Variants in HGS observed in about 807,000 individuals in gnomAD.
HGS encodes hepatocyte growth factor-regulated tyrosine kinase substrate.
In HGS, 63 loss-of-function variants were observed where a neutral mutation model predicts 109.7. The ratio of observed to expected loss-of-function variants is 0.57; its 90% CI spans 0.47 to 0.71. The LOEUF is 0.71. Ranked by LOEUF, HGS falls within the 30% of genes least tolerant of loss-of-function variation. HGS has a pLI of 0.00. For missense variants in HGS, 995 were observed against 1,068.3 expected (o/e 0.93, Z 0.96); for synonymous variants, 546 against 437.3 (o/e 1.25, Z -3.10).
In HGS at chr17:81,686,991, G is replaced by A; in HGVS notation, c.199-12G>A. The A allele has an allele frequency of 6.2e-7, 1 of 1,610,222 alleles. No homozygotes were observed. The highest frequency in any genetic ancestry group is 8.5e-7 in the Non-Finnish European group (1 of 1,178,002). On this transcript the variant is annotated splice_polypyrimidine_tract_variant and intron_variant, in intron 3 of 21. Transcript: ENST00000329138. ...CCACTGGCCCAACCCTTCCCTTCCT[G>A]GGCATCTGCAGGTCATGGAATCTGT...
intron 8 of HGS, 32 bp from the exon 9 acceptor site, chr17:81,693,471 A>G (rs1433133179): frequency 2.6e-6 from 4 of 1,567,540 alleles, no homozygotes; most frequent in Admixed American, 1.7e-5. Context: ...GTGTCAGCGC[A>G]TGGTGACCTG....
chr17:81,695,836 G>C lies in HGS; in HGVS notation c.1230G>C (p.Lys410Asn), dbSNP rs748441514. The C allele has an allele frequency of 1.2e-6, 2 of 1,613,456 alleles. No individual in the cohort carries two copies. The highest frequency in any genetic ancestry group is 1.7e-6 in the Non-Finnish European group (2 of 1,180,022). Residue 410 changes from lysine to asparagine, a missense_variant, in exon 15 of 22, where the codon AAG (lysine) becomes AAC (asparagine). Physicochemically the swap from Lys to Asn is moderately conservative, Grantham distance 94 (BLOSUM62 0). Transcript: ENST00000329138. ...ESEESHEQFL[K>N]ALQNAVTTFV... is the part of the protein sequence containing the mutation. ...AGGAGAGCCACGAGCAGTTCCTGAA[G>C]GCGCTGCAGAACGCCGTCACCACCT...
At chr17:81,694,497 G>T (rs539838554) in intron 11 of HGS, among the ~76,000 whole-genome samples, 1 of 152,298 alleles carries the variant, frequency 6.6e-6, no homozygotes, top group Non-Finnish European at 1.5e-5. Flanking sequence ...CTGTCGGCTG[G>T]GGCCCCACAC....
chr17:81,685,508 G>A, intron 1 of HGS, 97 bp from the exon 2 acceptor site: 1 of 728,216 alleles, frequency 1.4e-6, no homozygotes, highest in Non-Finnish European at 2.3e-6. Context: ...TGTCTAAAGG[G>A]GAAGGAGAGA....
chr17:81,688,771 G>A lies in HGS; in HGVS notation c.359G>A (p.Arg120Gln). Reference sequence around the variant, plus strand: ...ATCCAGGCCTGGGCGCATGCCTTCCGGAACGAGCCCAAGTACAAGGTGGTC... The same window carrying A: ...ATCCAGGCCTGGGCGCATGCCTTCCAGAACGAGCCCAAGTACAAGGTGGTC... ...YLIQAWAHAF[R>Q]NEPKYKVVQD... Residue 120 changes from arginine to glutamine, a missense_variant, in exon 5 of 22, where the codon CGG becomes CAG. Coordinates refer to ENST00000329138, the MANE Select transcript of HGS (RefSeq NM_004712.5). The A allele has an allele frequency of 1.2e-6, 2 of 1,614,128 alleles. No homozygotes were observed. Among genetic ancestry groups the A allele is most frequent in the Non-Finnish European group, 1.7e-6 (2 of 1,180,004 alleles).
At position 81,693,490 on chromosome 17, in the gene HGS, C is replaced by G; in HGVS notation, c.663-13C>G. 2.5e-6 allele frequency: 4 copies of G among 1,609,418 alleles called. No homozygotes were observed. The highest frequency in any genetic ancestry group is 3.4e-6 in the Non-Finnish European group (4 of 1,176,768). ...CAGCGCATGGTGACCTGCAGCATTC[C>G]TTGTGCCCACAGGAAAGCGGAGGGA... On this transcript the variant is annotated splice_polypyrimidine_tract_variant and intron_variant, in intron 8 of 21. Transcript: ENST00000329138.
At chr17:81,690,399 C>A (rs2037045415) in intron 6 of HGS, 165 bp downstream of exon 6, 1 of 759,620 alleles carries the variant, frequency 1.3e-6, no homozygotes, top group Non-Finnish European at 2.2e-6. Flanking sequence ...GCTGTCTCTG[C>A]AGGGCGAGGT....
chr17:81,688,291 C>A (rs2144487265), intron 4 of HGS, among the ~76,000 whole-genome samples: 1 of 152,312 alleles, frequency 6.6e-6, no homozygotes, highest in African/African-American at 2.4e-5. Flanking sequence ...CCCGCGTCTC[C>A]CCGGCTGTGA....
At chr17:81,690,002 GA>G (rs1419904054) in intron 5 of HGS, among the ~76,000 whole-genome samples, 179 bp from the exon 6 acceptor site, 4 of 152,168 alleles carry the variant, frequency 2.6e-5, no homozygotes, top group African/African-American at 9.7e-5. Context: ...CCACAGTGAG[GA>G]CAGAGGCCCC....
rs776326149 is a variant in HGS, at chr17:81,694,877, CCT to C, written c.975+28_975+29del. The C allele has an allele frequency of 3.1e-6, 5 of 1,614,160 alleles. No individual in the cohort carries two copies. In the Admixed American group the frequency reaches 8.3e-5, roughly 27 times the overall value. On this transcript the variant is annotated intron_variant, in intron 12 of 21. Transcript: ENST00000329138. ...AGGTAAGGCCCAGCATGGGGTGCAT[CCT>C]CTCACGGTTTCTGGCCTTGGGAGTG...
intron 19 of HGS, 29 bp from the exon 20 acceptor site, chr17:81,700,660 AGCCCCT>A (rs2037222835): frequency 3.3e-6 from 3 of 920,168 alleles, no homozygotes; most frequent in Non-Finnish European, 1.5e-6. Flanking sequence ...CCCCAGCCCC[AGCCCCT>A]TCTCCCATGG....
chr17:81,697,349 G>GCCCC (rs59387473), intron 18 of HGS: 3 of 61,802 alleles, frequency 4.9e-5, no homozygotes, highest in African/African-American at 2.3e-4. Flanking sequence ...CGTGGCATTT[G>GCCCC]CCCCCCCCCC....
chr17:81,687,271 G>C (rs2036994227), intron 4 of HGS, among the ~76,000 whole-genome samples, 176 bp downstream of exon 4: 1 of 152,228 alleles, frequency 6.6e-6, no homozygotes, highest in Admixed American at 6.5e-5. Flanking sequence ...ACAGGGCCGT[G>C]AGCCCCAATC....
intron 18 of HGS, 141 bp downstream of exon 18, chr17:81,697,139 C>T (rs1598749682): frequency 1.1e-6 from 1 of 945,632 alleles, no homozygotes; most frequent in Non-Finnish European, 1.5e-6. Context: ...TTTCCTGTTT[C>T]CATGCAAACG....
At position 81,684,078 on chromosome 17, in the gene HGS, C is replaced by T. The variant is rs1568210200; in HGVS notation, c.12C>T (p.Gly4=). 1.3e-6 allele frequency: 2 copies of T among 1,594,830 alleles called. No individual in the cohort carries two copies. Among genetic ancestry groups the T allele is most frequent in the Admixed American group, 1.7e-5 (1 of 57,610 alleles). MGR[G]SGTFERLLDK... ...GGCTGGAGGTCGCCATGGGGCGAGG[C>T]AGCGGCACCTTCGAGCGTCTCCTAG... is the stretch of plus-strand genomic sequence containing the variant. Residue 4 remains glycine, a synonymous_variant, in exon 1 of 22, where the codon GGC becomes GGT. Transcript: ENST00000329138.
chr17:81,695,398 A>T (rs2037130116), intron 14 of HGS, among the ~76,000 whole-genome samples, 175 bp downstream of exon 14: 1 of 151,744 alleles, frequency 6.6e-6, no homozygotes, highest in Admixed American at 6.6e-5. Flanking sequence ...CCCAATGGAA[A>T]CTCTACACCA....
chr17:81,700,051 C>G (rs895955626), intron 18 of HGS, among the ~76,000 whole-genome samples: 1 of 129,266 alleles, frequency 7.7e-6, no homozygotes, highest in Non-Finnish European at 1.6e-5. Flanking sequence ...CTCCAGCCTG[C>G]GTGACAGACT....
chr17:81,690,915 TA>T, intron 7 of HGS, 173 bp downstream of exon 7: 1 of 574,488 alleles, frequency 1.7e-6, no homozygotes, highest in Non-Finnish European at 3.0e-6. Flanking sequence ...AGGGCCCACG[TA>T]AGGGCCTGAT....
At chr17:81,700,051 C>T (rs895955626) in intron 18 of HGS, among the ~76,000 whole-genome samples, 2 of 129,266 alleles carry the variant, frequency 1.5e-5, no homozygotes, top group South Asian at 2.5e-4. Flanking sequence ...CTCCAGCCTG[C>T]GTGACAGACT....
Sources: allele counts gnomAD v4.1 joint callset (sites outside exome capture counted in the v4.1 genomes callset), GRCh38; gene constraint gnomAD v4.1.1; transcripts MANE v1.5; gene names NCBI Gene and HGNC (gene_info 2026-07-23, HGNC 2026-07-21).